The following ZFHX3 variants were observed in gnomAD, a reference collection of about 807,000 sequenced individuals.
ZFHX3 encodes zinc finger homeobox protein 3.
Under a neutral mutation model 279.1 loss-of-function variants are expected in ZFHX3, and 42 were observed. The ratio of observed to expected loss-of-function variants is 0.15; its 90% CI spans 0.12 to 0.19. The LOEUF is 0.19. Ranked by LOEUF, ZFHX3 falls within the 10% of genes least tolerant of loss-of-function variation. ZFHX3 has a pLI of 1.00. For missense variants in ZFHX3, 4,981 were observed against 4,754.0 expected (o/e 1.05, Z -1.40); for synonymous variants, 2,293 against 1,957.8 (o/e 1.17, Z -4.52).
intron 2 of ZFHX3, among the ~76,000 whole-genome samples, chr16:73,665,273 G>A (rs544868387): frequency 1.1e-3 from 168 of 150,950 alleles, no homozygotes; most frequent in African/African-American, 4.0e-3. Context: ...GAGTGCACTG[G>A]TGCCATCCTG....
At chr16:73,439,118 C>G (rs1004954013) in intron 3 of ZFHX3, among the ~76,000 whole-genome samples, 4 of 152,210 alleles carry the variant, frequency 2.6e-5, no homozygotes, top group African/African-American at 9.6e-5. Context: ...CTAGCTTTCT[C>G]TTTCCTGGAA....
intron 1 of ZFHX3, among the ~76,000 whole-genome samples, chr16:73,863,925 A>G (rs1961947015): frequency 6.6e-6 from 1 of 152,230 alleles, no homozygotes; most frequent in Admixed American, 6.5e-5. Context: ...TAGAAAAATG[A>G]TCACGCTCTT....
In ZFHX3 at chr16:73,043,780, T is replaced by C. The variant is rs150334916; in HGVS notation, c.-50+3972A>G. 4.0e-3 allele frequency among the ~76,000 whole-genome samples: 615 copies of C among 152,344 alleles called. 1 individual carries two copies. The highest frequency in any genetic ancestry group is 0.017 in the Middle Eastern group (5 of 294). On this transcript the variant is annotated intron_variant, in intron 1 of 9. Coordinates refer to ENST00000268489, the MANE Select transcript of ZFHX3 (RefSeq NM_006885.4). ...CTGTCCATATCAAAGTCATTTACCA[T>C]ATTAGCCCAAAGAAGCCCTCCAACA...
intron 7 of ZFHX3, among the ~76,000 whole-genome samples, chr16:73,111,044 G>A (rs755301898): frequency 6.6e-6 from 1 of 152,016 alleles, no homozygotes; most frequent in Admixed American, 6.6e-5. Context: ...GAGTTCAAGC[G>A]ATTCTCCTGC....
At chr16:72,905,780 A>G (rs1380879045) in intron 3 of ZFHX3, among the ~76,000 whole-genome samples, 2 of 152,248 alleles carry the variant, frequency 1.3e-5, no homozygotes, top group Non-Finnish European at 2.9e-5. Flanking sequence ...TTCCTAGAAC[A>G]TAAGACAGCT....
In ZFHX3 at chr16:73,765,900, G is replaced by T. The variant is rs541040724; in HGVS notation, c.-1607-85660C>A. The stretch of plus-strand genomic sequence containing the variant: ...ACCACTGGCCAGGAGGCTTACGTGA[G>T]ACTGGCTACTGTGACTGAGTTCTAT... On this transcript the variant is annotated intron_variant, in intron 1 of 17. Transcript: ENST00000641206. Among the ~76,000 whole-genome samples, 6 of 152,312 alleles carry T rather than the reference G, an allele frequency of 3.9e-5. No individual in the cohort carries two copies. In the East Asian group the frequency reaches 1.2e-3, roughly 29 times the overall value.
At chr16:73,378,962 A>G (rs2016773152) in intron 3 of ZFHX3, among the ~76,000 whole-genome samples, 1 of 152,160 alleles carries the variant, frequency 6.6e-6, no homozygotes, top group Admixed American at 6.5e-5. Flanking sequence ...ACTGAAGTGT[A>G]AAACTCTCAA....
At chr16:73,081,732 G>C (rs1965947825) in intron 8 of ZFHX3, 2 of 152,138 alleles carry the variant, frequency 1.3e-5, no homozygotes, top group African/African-American at 4.8e-5. Flanking sequence ...ATGGACTCTA[G>C]TGTGCAGAAC....
intron 3 of ZFHX3, among the ~76,000 whole-genome samples, chr16:72,926,690 A>G (rs541143174): frequency 6.6e-6 from 1 of 152,350 alleles, no homozygotes; most frequent in Admixed American, 6.5e-5. Context: ...TCTGTAAATC[A>G]GCCAAATTCC....
rs768126798 is a variant in ZFHX3, at chr16:72,800,039, C to G, written c.3955G>C (p.Gly1319Arg). 3.1e-6 allele frequency: 5 copies of G among 1,614,000 alleles called. No individual in the cohort carries two copies. Among genetic ancestry groups the G allele is most frequent in the Non-Finnish European group, 4.2e-6 (5 of 1,180,008 alleles). ...TAATGATACTGACCAGGCTGCTTTC[C>G]TGCCTCTTCCAAATTGGAATTCCCA... Reference protein sequence around the residue: ...RDGNSNLEEAGKQPETSEDLG... With the variant: ...RDGNSNLEEARKQPETSEDLG... Residue 1319 changes from glycine (G) to arginine (R), a missense_variant, in exon 8 of 10, where the codon GGA (glycine) becomes CGA (arginine). This residue lies in a region of ZFHX3 where 1,751 missense variants were observed against 1,770.0 expected (regional missense o/e 0.99). Coordinates refer to ENST00000268489, the MANE Select transcript of ZFHX3 (RefSeq NM_006885.4).
intron 2 of ZFHX3, among the ~76,000 whole-genome samples, chr16:73,490,336 A>G (rs1309716431): frequency 4.6e-5 from 7 of 152,234 alleles, no homozygotes; most frequent in Admixed American, 4.6e-4. Flanking sequence ...AGGTTTGTGA[A>G]CTTTTGCCCA....
intron 1 of ZFHX3, among the ~76,000 whole-genome samples, chr16:73,803,915 T>C (rs1186433297): frequency 6.6e-6 from 1 of 152,154 alleles, no homozygotes; most frequent in African/African-American, 2.4e-5. Flanking sequence ...ACCCCAGCAC[T>C]CTGGGAAGCC....
intron 1 of ZFHX3, among the ~76,000 whole-genome samples, chr16:73,045,356 T>TAAA: frequency 6.6e-6 from 1 of 152,336 alleles, no homozygotes; most frequent in East Asian, 1.9e-4. Flanking sequence ...GCAAGCATCA[T>TAAA]TTAAAGTCAT....
At chr16:72,931,406 CACACA>C (rs1959793675) in intron 3 of ZFHX3, among the ~76,000 whole-genome samples, 1 of 17,306 alleles carries the variant, frequency 5.8e-5, no homozygotes, top group Non-Finnish European at 8.2e-5. Context: ...TATTTCATTA[CACACA>C]CACACACACA....
chr16:73,882,731 A>ATTCTTAATGGACAGACCTT (rs1291008309), intron 1 of ZFHX3, among the ~76,000 whole-genome samples: 1 of 152,142 alleles, frequency 6.6e-6, no homozygotes. Context: ...TTCCAGCCAG[A>ATTCTTAATGGACAGACCTT]TTCTTAATGG....
chr16:73,208,010 A>G (rs2011871747), intron 5 of ZFHX3, among the ~76,000 whole-genome samples: 1 of 152,182 alleles, frequency 6.6e-6, no homozygotes, highest in South Asian at 2.1e-4. Context: ...TCTCTGCACT[A>G]TCTCCTAGAC....
chr16:73,889,186 G>A (rs2030446601), intron 1 of ZFHX3, among the ~76,000 whole-genome samples: 1 of 152,156 alleles, frequency 6.6e-6, no homozygotes, highest in African/African-American at 2.4e-5. Flanking sequence ...GGTCTTAGAA[G>A]AGGCCACAGT....
At chr16:73,226,367 T>G (rs2012591209) in intron 5 of ZFHX3, among the ~76,000 whole-genome samples, 1 of 152,246 alleles carries the variant, frequency 6.6e-6, no homozygotes, top group South Asian at 2.1e-4. Context: ...TGTGAGTGAA[T>G]GTACACATGT....
At chr16:73,313,001 A>G (rs2015360512) in intron 4 of ZFHX3, among the ~76,000 whole-genome samples, 1 of 152,172 alleles carries the variant, frequency 6.6e-6, no homozygotes, top group Non-Finnish European at 1.5e-5. Flanking sequence ...CCCAAACCTC[A>G]TGTTGAATTG....
Sources: allele counts gnomAD v4.1 joint callset (sites outside exome capture counted in the v4.1 genomes callset), GRCh38; gene constraint gnomAD v4.1.1; regional missense constraint gnomAD v4.1.1; transcripts MANE v1.5; gene names NCBI Gene and HGNC (gene_info 2026-07-23, HGNC 2026-07-21).